The following PCDH15 variants were observed in gnomAD, a reference collection of about 807,000 sequenced individuals.
PCDH15 encodes the protein protocadherin related 15, also known as protocadherin-15.
A neutral mutation model predicts 178.5 loss-of-function variants in PCDH15; 129 were observed. The observed-to-expected ratio is 0.72, with a 90% CI of 0.63 to 0.84. PCDH15 has a LOEUF of 0.84. PCDH15 is among the 40% of genes least tolerant of loss of function. The pLI, the probability that PCDH15 is intolerant of heterozygous loss-of-function variation, is 0.00. For synonymous variants in PCDH15, 800 were observed against 732.0 expected (o/e 1.09, Z -1.50); for missense variants, 2,230 against 2,099.9 (o/e 1.06, Z -1.21).
chr10:54,609,735 C>G (rs1416597228), intron 2 of PCDH15, among the ~76,000 whole-genome samples: 1 of 151,934 alleles, frequency 6.6e-6, no homozygotes, highest in African/African-American at 2.4e-5. Flanking sequence ...GCAATGTTTT[C>G]TTAACCACCT....
chr10:53,958,605 ACC>A (rs1314157285), intron 23 of PCDH15, among the ~76,000 whole-genome samples: 1 of 152,020 alleles, frequency 6.6e-6, no homozygotes, highest in Non-Finnish European at 1.5e-5. Flanking sequence ...GCCTATTAAG[ACC>A]AGAAGAGACC....
At chr10:54,237,890 TC>T (rs2134401708) in intron 8 of PCDH15, among the ~76,000 whole-genome samples, 1 of 152,326 alleles carries the variant, frequency 6.6e-6, no homozygotes, top group Admixed American at 6.5e-5. Context: ...GCAAATCTTT[TC>T]AGACTTAATT....
chr10:55,344,845 A>G (rs1342979303), intron 2 of PCDH15, among the ~76,000 whole-genome samples: 1 of 152,142 alleles, frequency 6.6e-6, no homozygotes, highest in Non-Finnish European at 1.5e-5. Context: ...CACTAAAGAA[A>G]AAAGGTCCAA....
At chr10:53,932,710 A>G (rs2085180023) in intron 25 of PCDH15, among the ~76,000 whole-genome samples, 1 of 152,164 alleles carries the variant, frequency 6.6e-6, no homozygotes, top group South Asian at 2.1e-4. Context: ...CTCGAGAGTA[A>G]TGGTGTTCAG....
intron 6 of PCDH15, among the ~76,000 whole-genome samples, chr10:54,338,502 T>C (rs1373903853): frequency 6.6e-6 from 1 of 152,126 alleles, no homozygotes; most frequent in African/African-American, 2.4e-5. Flanking sequence ...ACTTCCTGAC[T>C]CAGGAAATTC....
intron 2 of PCDH15, among the ~76,000 whole-genome samples, chr10:55,477,043 G>A (rs1264604104): frequency 6.6e-6 from 1 of 151,838 alleles, no homozygotes; most frequent in East Asian, 1.9e-4. Flanking sequence ...ACAGTAAAAT[G>A]TAAGCAATAA....
At chr10:54,023,552 G>A (rs1203195192) in intron 18 of PCDH15, among the ~76,000 whole-genome samples, 2 of 147,854 alleles carry the variant, frequency 1.4e-5, no homozygotes, top group Non-Finnish European at 1.5e-5. Context: ...ATAATCTGCC[G>A]AGTGACAATT....
chr10:54,784,242 A>G (rs1205090999), intron 1 of PCDH15, among the ~76,000 whole-genome samples: 2 of 151,968 alleles, frequency 1.3e-5, no homozygotes, highest in Non-Finnish European at 2.9e-5. Context: ...CCACTATACA[A>G]TTTATCCATG....
At chr10:55,145,790 T>C (rs776762539) in intron 2 of PCDH15, among the ~76,000 whole-genome samples, 2 of 152,002 alleles carry the variant, frequency 1.3e-5, no homozygotes, top group African/African-American at 2.4e-5. Flanking sequence ...CTGAATAACA[T>C]TTATCACTGA....
At chr10:54,794,442 T>A (rs1951759865) in intron 1 of PCDH15, among the ~76,000 whole-genome samples, 1 of 151,862 alleles carries the variant, frequency 6.6e-6, no homozygotes, top group African/African-American at 2.4e-5. Context: ...TGAGTGGAAA[T>A]TTTTCAATAA....
intron 2 of PCDH15, among the ~76,000 whole-genome samples, chr10:55,412,794 T>A (rs2132036575): frequency 6.6e-6 from 1 of 151,536 alleles, no homozygotes; most frequent in African/African-American, 2.4e-5. Flanking sequence ...TTGAGAAAAT[T>A]TCAGCCATAT....
intron 8 of PCDH15, among the ~76,000 whole-genome samples, chr10:54,240,626 C>CTTTTTTTTTTTTTTTTTTTTTT (rs1228784141): frequency 1.5e-4 from 12 of 79,666 alleles, no homozygotes; most frequent in Non-Finnish European, 2.3e-4. Context: ...TTTTCTTTTG[C>CTTTTTTTTTTTTTTTTTTTTTT]TTTTTTTTTT....
At chr10:55,396,535 A>C (rs1236434798) in intron 2 of PCDH15, among the ~76,000 whole-genome samples, 1 of 152,300 alleles carries the variant, frequency 6.6e-6, no homozygotes, top group East Asian at 1.9e-4. Flanking sequence ...GCTAAAATTG[A>C]GGTCTAATCG....
At chr10:55,219,125 G>C (rs1460057853) in intron 1 of PCDH15, among the ~76,000 whole-genome samples, 1 of 151,826 alleles carries the variant, frequency 6.6e-6, no homozygotes, top group Non-Finnish European at 1.5e-5. Context: ...AAATTCTTTA[G>C]GAGGAAATTT....
At chr10:55,566,645 G>T (rs1220096570) in intron 2 of PCDH15, among the ~76,000 whole-genome samples, 1 of 150,996 alleles carries the variant, frequency 6.6e-6, no homozygotes, top group Non-Finnish European at 1.5e-5. Flanking sequence ...CAATAACAAA[G>T]AATAATCCAA....
At chr10:53,985,499 A>G (rs1448465550) in intron 21 of PCDH15, among the ~76,000 whole-genome samples, 1 of 152,156 alleles carries the variant, frequency 6.6e-6, no homozygotes, top group African/African-American at 2.4e-5. Flanking sequence ...ATGGGGTGGC[A>G]GGCTCTCCAT....
At position 53,901,036 on chromosome 10, in the gene PCDH15, T is replaced by C. The variant is rs140935497; in HGVS notation, c.3501+2207A>G. ...GATCCTCTTTTATCAATCTTGTTCT[T>C]TCCATGGTTCAGGGACCTTGCATTT... On this transcript the variant is annotated intron_variant, in intron 26 of 37. Transcript: ENST00000644397. Among the ~76,000 whole-genome samples, 388 of 152,260 alleles carry C rather than the reference T, an allele frequency of 2.5e-3. 2 individuals carry two copies. Among genetic ancestry groups the C allele is most frequent in the Non-Finnish European group, 4.4e-3 (300 of 68,014 alleles).
At chr10:55,521,594 A>G (rs1343935835) in intron 2 of PCDH15, among the ~76,000 whole-genome samples, 2 of 152,008 alleles carry the variant, frequency 1.3e-5, no homozygotes, top group Non-Finnish European at 2.9e-5. Context: ...TTCTCTATTT[A>G]TCTGTCCACA....
chr10:54,267,672 G>A (rs920071052), intron 8 of PCDH15, among the ~76,000 whole-genome samples: 1 of 151,526 alleles, frequency 6.6e-6, no homozygotes, highest in Non-Finnish European at 1.5e-5. Flanking sequence ...TCCCATTTAT[G>A]AGAGCCACAA....
Sources: allele counts gnomAD v4.1 joint callset (sites outside exome capture counted in the v4.1 genomes callset), GRCh38; gene constraint gnomAD v4.1.1; transcripts MANE v1.5; gene names NCBI Gene and HGNC (gene_info 2026-07-23, HGNC 2026-07-21).